RORA: variants seen among roughly 807,000 people sequenced by gnomAD.
The protein encoded by RORA is RAR related orphan receptor A, also known as nuclear receptor ROR-alpha.
RORA carries 7 observed loss-of-function variants against 69.5 expected under a neutral mutation model. The observed-to-expected ratio is 0.10, with a 90% CI of 0.06 to 0.19. The LOEUF (loss-of-function observed/expected upper bound fraction) is 0.19, where lower values mean the gene tolerates loss of function less well. Among genes scored for constraint, RORA ranks in the 10% least tolerant of loss-of-function variants. The pLI, the probability that RORA is intolerant of heterozygous loss-of-function variation, is 1.00. For missense variants in RORA, 457 were observed against 663.0 expected (o/e 0.69, Z 3.41); for synonymous variants, 261 against 240.8 (o/e 1.08, Z -0.78).
chr15:61,194,098 T>C (rs1044742754), intron 1 of RORA: 3 of 152,186 alleles, frequency 2.0e-5, no homozygotes, highest in Admixed American at 2.0e-4. Flanking sequence ...GAATCAACGA[T>C]AGCACTAATG....
At chr15:61,156,230 T>C (rs993078356) in intron 1 of RORA, among the ~76,000 whole-genome samples, 1 of 152,100 alleles carries the variant, frequency 6.6e-6, no homozygotes, top group East Asian at 1.9e-4. Context: ...TTTGAAGATA[T>C]GTATTAAGAT....
chr15:61,105,212 A>G (rs2078935330), intron 1 of RORA, among the ~76,000 whole-genome samples: 1 of 152,134 alleles, frequency 6.6e-6, no homozygotes, highest in Non-Finnish European at 1.5e-5. Flanking sequence ...TTACATTTAT[A>G]ATGAAGCATG....
chr15:61,042,696 G>A (rs993745799), intron 1 of RORA, among the ~76,000 whole-genome samples: 4 of 152,174 alleles, frequency 2.6e-5, no homozygotes, highest in Admixed American at 2.0e-4. Flanking sequence ...AGCTTCTCTC[G>A]ATAAGCCTTC....
intron 1 of RORA, chr15:60,765,529 T>C (rs2071975612): frequency 6.6e-6 from 1 of 152,144 alleles, no homozygotes; most frequent in African/African-American, 2.4e-5. Flanking sequence ...ATCAAGGCCT[T>C]GCAATGTGGT....
chr15:60,510,716 AATAG>A (rs1454412323), intron 5 of RORA, among the ~76,000 whole-genome samples: 1 of 152,180 alleles, frequency 6.6e-6, no homozygotes, highest in Non-Finnish European at 1.5e-5. Flanking sequence ...GCTCAGTGTA[AATAG>A]ATCATTTTTT....
chr15:61,219,836 T>A (rs1291177460), intron 1 of RORA, among the ~76,000 whole-genome samples: 1 of 152,192 alleles, frequency 6.6e-6, no homozygotes, highest in Non-Finnish European at 1.5e-5. Flanking sequence ...GGTAGCATCA[T>A]GAGTGAGTAT....
Position 60,678,706 on chromosome 15 carries a change from A to C in RORA, c.167-20T>G, listed in dbSNP as rs1389617568. 6.2e-7 allele frequency: 1 copy of C among 1,607,688 alleles called. No homozygotes were observed. The highest frequency in any genetic ancestry group is 1.3e-5 in the African/African-American group (1 of 74,856). ...AGATACCTGGAAGAGAAGAAACAATAACATAGGTTAGAAAGTGCCCTGTGT... is the reference window on the plus strand; with the variant it reads ...AGATACCTGGAAGAGAAGAAACAATCACATAGGTTAGAAAGTGCCCTGTGT... On this transcript the variant is annotated intron_variant, in intron 1 of 10. Transcript: ENST00000335670.
intron 1 of RORA, among the ~76,000 whole-genome samples, chr15:60,955,269 T>G (rs763732319): frequency 1.1e-4 from 17 of 152,304 alleles, no homozygotes; most frequent in Middle Eastern, 3.4e-3. Flanking sequence ...GCCACTGCAC[T>G]CCAGCCTGGG....
chr15:60,730,660 C>G (rs1429161822), intron 1 of RORA, among the ~76,000 whole-genome samples: 4 of 152,116 alleles, frequency 2.6e-5, no homozygotes, highest in African/African-American at 7.2e-5. Context: ...ACTTGTATTT[C>G]TCTTTGCATG....
rs548937977 is a variant in RORA, at chr15:61,075,756, C to T, written c.166+153297G>A. On this transcript the variant is annotated intron_variant, in intron 1 of 10. Transcript: ENST00000335670. The stretch of plus-strand genomic sequence containing the variant: ...CAAGTCTTCCATGTCTAAACCTCCT[C>T]GCGTTATACCACAGCTGCTTAGATT... 2.6e-4 allele frequency among the ~76,000 whole-genome samples: 39 copies of T among 151,472 alleles called. 1 individual carries two copies. Among genetic ancestry groups the T allele is most frequent in the Admixed American group, 1.9e-3 (29 of 15,268 alleles).
chr15:60,710,880 G>A (rs1278604255), intron 1 of RORA, among the ~76,000 whole-genome samples: 1 of 151,906 alleles, frequency 6.6e-6, no homozygotes, highest in African/African-American at 2.4e-5. Context: ...ATGCTCCAGA[G>A]CACACAAACA....
At chr15:61,163,888 C>T (rs1008046232) in intron 1 of RORA, among the ~76,000 whole-genome samples, 34 of 152,210 alleles carry the variant, frequency 2.2e-4, no homozygotes, top group African/African-American at 8.0e-4. Flanking sequence ...ATAGAGAAAC[C>T]TAAGCTTGGC....
At chr15:60,894,397 G>T (rs10083629) in intron 1 of RORA, among the ~76,000 whole-genome samples, 39,238 of 152,092 alleles carry the variant, frequency 0.26, 5,128 homozygotes, top group Non-Finnish European at 0.27. Flanking sequence ...ACGGTTTTCT[G>T]ACATTAAGAA....
At chr15:60,615,124 C>G (rs950340439) in intron 2 of RORA, 2 of 1,481,032 alleles carry the variant, frequency 1.4e-6, no homozygotes, top group African/African-American at 2.8e-5. Flanking sequence ...CACAGCCACC[C>G]AAGTCCTAAT....
At chr15:60,909,433 A>G (rs1250022273) in intron 1 of RORA, among the ~76,000 whole-genome samples, 1 of 152,160 alleles carries the variant, frequency 6.6e-6, no homozygotes, top group African/African-American at 2.4e-5. Context: ...TTAGCAGTAA[A>G]CCCAAGATCA....
At chr15:60,802,128 G>T (rs1433626913) in intron 1 of RORA, among the ~76,000 whole-genome samples, 2 of 152,162 alleles carry the variant, frequency 1.3e-5, no homozygotes, top group Non-Finnish European at 2.9e-5. Context: ...GTTAAGTAGG[G>T]AAGATTTGAG....
At chr15:61,174,853 T>A (rs1219174351) in intron 1 of RORA, among the ~76,000 whole-genome samples, 1 of 152,216 alleles carries the variant, frequency 6.6e-6, no homozygotes, top group Admixed American at 6.5e-5. Flanking sequence ...ACCCGCATAA[T>A]GGCTCTCTAA....
intron 2 of RORA, among the ~76,000 whole-genome samples, chr15:60,624,160 A>G (rs913086961): frequency 6.6e-6 from 1 of 152,142 alleles, no homozygotes; most frequent in Non-Finnish European, 1.5e-5. Flanking sequence ...GTATTGTTCA[A>G]CATTGGAAAG....
intron 1 of RORA, among the ~76,000 whole-genome samples, chr15:60,724,519 C>A (rs552451857): frequency 5.9e-5 from 9 of 152,262 alleles, no homozygotes; most frequent in African/African-American, 2.2e-4. Context: ...CCTGATGGGA[C>A]AGAAGCCCAT....
Sources: allele counts gnomAD v4.1 joint callset (sites outside exome capture counted in the v4.1 genomes callset), GRCh38; gene constraint gnomAD v4.1.1; transcripts MANE v1.5; gene names NCBI Gene and HGNC (gene_info 2026-07-23, HGNC 2026-07-21).